Variants in OGDH observed in about 807,000 individuals in gnomAD.
The protein encoded by OGDH is oxoglutarate dehydrogenase.
OGDH carries 38 observed loss-of-function variants against 116.6 expected under a neutral mutation model. The observed-to-expected ratio is 0.33, with a 90% CI of 0.25 to 0.43. The LOEUF (loss-of-function observed/expected upper bound fraction) is 0.43, where lower values mean the gene tolerates loss of function less well. Ranked by LOEUF, OGDH falls within the 20% of genes least tolerant of loss-of-function variation. The pLI is 1.00. For missense variants in OGDH, 825 were observed against 1,357.2 expected (o/e 0.61, Z 6.16); for synonymous variants, 488 against 533.3 (o/e 0.92, Z 1.17).
At chr7:44,641,225 C>CTTTTTTTTTTTTTTTT (rs1175522868) in intron 2 of OGDH, among the ~76,000 whole-genome samples, 19 of 81,622 alleles carry the variant, frequency 2.3e-4, no homozygotes, top group Non-Finnish European at 3.9e-4. Flanking sequence ...TTTTTTTTTT[C>CTTTTTTTTTTTTTTTT]TTTTTTTTTT....
Position 44,707,614 on chromosome 7 carries a change from G to A in OGDH, c.2829G>A (p.Lys943=), listed in dbSNP as rs1585412438. The A allele has an allele frequency of 6.2e-7, 1 of 1,614,124 alleles. No individual in the cohort carries two copies. Among genetic ancestry groups the A allele is most frequent in the Non-Finnish European group, 8.5e-7 (1 of 1,180,042 alleles). The change falls in exon 22 of 23, where the codon AAG becomes AAA. Residue 943 remains lysine, a synonymous_variant. Coordinates refer to ENST00000222673, the MANE Select transcript of OGDH (RefSeq NM_002541.4). This position sits in a 1 kb window ranked among gnomAD's most constrained non-coding sequence, Gnocchi z 5.2. ...CATTCCCCTTTGACCTCCTGCTGAA[G>A]GAGGTGCAGAAGTACCCCAATGCTG... ...LSPFPFDLLL[K]EVQKYPNAEL...
intron 2 of OGDH, among the ~76,000 whole-genome samples, chr7:44,630,811 A>G (rs1048627185): frequency 6.6e-6 from 1 of 152,122 alleles, no homozygotes; most frequent in Non-Finnish European, 1.5e-5. Flanking sequence ...GTGGAAGACA[A>G]TTTTTCCATG....
chr7:44,640,423 C>T (rs896627187), intron 2 of OGDH, among the ~76,000 whole-genome samples: 2 of 151,930 alleles, frequency 1.3e-5, no homozygotes, highest in African/African-American at 4.8e-5. Context: ...TATACCTATC[C>T]CTGCTGCTAT....
rs764635151 is a variant in OGDH at position 44,693,998 on chromosome 7, C to A, written c.1509C>A (p.Val503=). 1.2e-6 allele frequency: 2 copies of A among 1,611,268 alleles called. No homozygotes were observed. The highest frequency in any genetic ancestry group is 1.7e-6 in the Non-Finnish European group (2 of 1,177,802). The change falls in exon 11 of 23, where the codon GTC becomes GTA. Residue 503 remains valine, a synonymous_variant. Coordinates refer to ENST00000222673, the MANE Select transcript of OGDH (RefSeq NM_002541.4). ...WRSTFHKDVV[V]DLVCYRRNGH... The stretch of plus-strand genomic sequence containing the variant: ...GCACCTTCCACAAGGACGTGGTTGT[C>A]GATTTGGTGAGTGACTCTGGGGACA...
chr7:44,616,270 TTATC>T (rs1021912335), intron 1 of OGDH, among the ~76,000 whole-genome samples: 6 of 152,068 alleles, frequency 3.9e-5, no homozygotes, highest in Admixed American at 3.3e-4. Flanking sequence ...AAGTGCCTAT[TTATC>T]TACACCCTCC....
intron 10 of OGDH, among the ~76,000 whole-genome samples, chr7:44,691,514 A>G (rs1331445313): frequency 6.6e-6 from 1 of 150,650 alleles, no homozygotes; most frequent in Non-Finnish European, 1.5e-5. Context: ...CCTGGGCAAC[A>G]GAGTGAGACC....
Position 44,624,310 on chromosome 7 carries a change from T to TTTTTTAAG in OGDH, c.-27-7_-27-6insTTTTTAAG. 1.2e-5 allele frequency: 13 copies of TTTTTTAAG among 1,102,338 alleles called. No homozygotes were observed. Among genetic ancestry groups the TTTTTTAAG allele is most frequent in the East Asian group, 3.4e-5 (1 of 29,666 alleles). 68.3% of individuals were successfully genotyped at this position (1,102,338 alleles called of 1,614,324 possible). A position where few individuals can be genotyped will look rare whatever the true frequency, so the allele number is the denominator to read the frequency against. Reference sequence around the variant, plus strand: ...TTTCTTGTTTTTTTTTTTTTTTTTTTGTACAGGCAGTTGTGAAAAACTTCA... The same window carrying TTTTTTAAG: ...TTTCTTGTTTTTTTTTTTTTTTTTTTTTTTTAAGGTACAGGCAGTTGTGAAAAACTTCA... On this transcript the variant is annotated splice_region_variant and splice_polypyrimidine_tract_variant and intron_variant, in intron 1 of 22. Transcript: ENST00000222673.
rs549311993 is a variant in OGDH at position 44,675,833 on chromosome 7, C to T, written c.1027-137C>T. 5.3e-5 allele frequency: 43 copies of T among 806,662 alleles called. No individual in the cohort carries two copies. In the East Asian group the frequency reaches 1.1e-3, roughly 20 times the overall value. 50.0% of individuals were successfully genotyped at this position (806,662 alleles called of 1,614,324 possible). ...TGGAGGTTGCAGTGAGCCGAGATCG[C>T]GCCATTGCACTCCAACCTGGGCAAC... is the stretch of plus-strand genomic sequence containing the variant. On this transcript the variant is annotated intron_variant, in intron 8 of 22. Coordinates refer to ENST00000222673, the MANE Select transcript of OGDH (RefSeq NM_002541.4).
chr7:44,705,014 T>C (rs2116422669), intron 20 of OGDH, among the ~76,000 whole-genome samples: 1 of 150,636 alleles, frequency 6.6e-6, no homozygotes, highest in South Asian at 2.1e-4. Context: ...CCTGGCCTGT[T>C]GTTAGTATCT....
chr7:44,693,899 C>G lies in OGDH; in HGVS notation c.1410C>G (p.Ala470=). Residue 470 remains alanine, a synonymous_variant, in exon 11 of 23, where the codon GCC becomes GCG. Transcript: ENST00000222673. The part of the protein sequence containing the change: ...YPTDVARVVN[A]PIFHVNSDDP... ...CTGACGTGGCCCGAGTGGTGAATGC[C>G]CCCATTTTCCACGTGAACTCAGATG... The G allele has an allele frequency of 6.2e-7, 1 of 1,614,074 alleles. No individual in the cohort carries two copies. Among genetic ancestry groups the G allele is most frequent in the Non-Finnish European group, 8.5e-7 (1 of 1,179,962 alleles).
intron 2 of OGDH, among the ~76,000 whole-genome samples, chr7:44,633,243 A>T (rs974404502): frequency 8.5e-6 from 1 of 118,196 alleles, no homozygotes; most frequent in Non-Finnish European, 1.7e-5. Context: ...ACAGAGCGAG[A>T]CTCTGTGTCA....
intron 20 of OGDH, among the ~76,000 whole-genome samples, chr7:44,705,053 T>TTTC (rs1789007335): frequency 8.4e-6 from 1 of 119,220 alleles, no homozygotes; most frequent in African/African-American, 4.4e-5. Context: ...TTAATTTTCT[T>TTTC]TTTTTTTTTT....
At chr7:44,656,268 C>CT in intron 4 of OGDH, 1 of 1,530,488 alleles carries the variant, frequency 6.5e-7, no homozygotes, top group Non-Finnish European at 8.8e-7. Context: ...TAACTCTCAC[C>CT]TGTCTTTTTC....
At chr7:44,662,175 T>C (rs1786975900) in intron 4 of OGDH, among the ~76,000 whole-genome samples, 1 of 152,196 alleles carries the variant, frequency 6.6e-6, no homozygotes. Context: ...GAGGAGAATC[T>C]GATGTATTTA....
At chr7:44,655,690 T>C (rs1252351507) in intron 4 of OGDH, among the ~76,000 whole-genome samples, 4 of 152,230 alleles carry the variant, frequency 2.6e-5, no homozygotes, top group Non-Finnish European at 5.9e-5. Context: ...AAAGCTGTTA[T>C]GTATAGTAGA....
rs373652125 is a variant in OGDH, at chr7:44,655,698, A to G, written c.517+7939A>G. Among the ~76,000 whole-genome samples, 22 of 152,358 alleles carry G rather than the reference A, an allele frequency of 1.4e-4. No homozygotes were observed. The South Asian group carries it at 4.6e-3, about 32-fold the overall frequency. ...GGCTCAGAAAGCTGTTATGTATAGT[A>G]GAAATCCGATGAAAAGTTTACAGGT... On this transcript the variant is annotated intron_variant, in intron 4 of 22. Transcript: ENST00000222673.
At chr7:44,693,411 A>G (rs1195780033) in intron 10 of OGDH, among the ~76,000 whole-genome samples, 1 of 152,206 alleles carries the variant, frequency 6.6e-6, no homozygotes, top group Non-Finnish European at 1.5e-5. Context: ...GTTTGAGGCC[A>G]GCCTGGGCAA....
chr7:44,706,217 C>A (rs974233773), intron 20 of OGDH, among the ~76,000 whole-genome samples: 5 of 150,194 alleles, frequency 3.3e-5, no homozygotes, highest in African/African-American at 1.2e-4. Context: ...TGCTGGCCAA[C>A]CCACTGTTCT....
chr7:44,608,792 G>T (rs1199978669), intron 1 of OGDH, among the ~76,000 whole-genome samples: 1 of 151,804 alleles, frequency 6.6e-6, no homozygotes, highest in Admixed American at 6.6e-5. Flanking sequence ...TGAGATCATT[G>T]TACAAATTAT....
Sources: allele counts gnomAD v4.1 joint callset (sites outside exome capture counted in the v4.1 genomes callset), GRCh38; gene constraint gnomAD v4.1.1; non-coding constraint Gnocchi (gnomAD v3.1); transcripts MANE v1.5; gene names NCBI Gene and HGNC (gene_info 2026-07-23, HGNC 2026-07-21).